The following PTPRD variants were observed in gnomAD, a reference collection of about 807,000 sequenced individuals.
The protein encoded by PTPRD is protein tyrosine phosphatase receptor type D, also known as receptor-type tyrosine-protein phosphatase delta.
PTPRD carries 34 observed loss-of-function variants against 214.5 expected under a neutral mutation model. The ratio of observed to expected loss-of-function variants is 0.16; its 90% confidence interval spans 0.12 to 0.21. The LOEUF is 0.21. Among genes scored for constraint, PTPRD ranks in the 10% least tolerant of loss-of-function variants. PTPRD has a pLI of 1.00. For missense variants in PTPRD, 2,545 were observed against 2,398.7 expected, an observed-to-expected ratio of 1.06 and a Z score of -1.27; for synonymous variants, 1,128 against 845.7, an observed-to-expected ratio of 1.33 and a Z score of -5.79.
chr9:8,461,520 C>T (rs1206607176), intron 32 of PTPRD, among the ~76,000 whole-genome samples: 2 of 151,962 alleles, frequency 1.3e-5, no homozygotes, highest in South Asian at 2.1e-4. Flanking sequence ...CTTTCCAATC[C>T]AACAGAAACT....
chr9:9,886,188 G>T (rs898686680), intron 5 of PTPRD, among the ~76,000 whole-genome samples: 1 of 151,964 alleles, frequency 6.6e-6, no homozygotes, highest in African/African-American at 2.4e-5. Context: ...AGCAAGATTA[G>T]GCCCTAACCA....
rs545652356 is a variant in PTPRD, at chr9:8,377,408, G to A, written c.4387-682C>T. ...ATAATCTACAATTTCTATGTGAAGT[G>A]GAACAAAAGCACATAAAAAGTTTTC... On this transcript the variant is annotated intron_variant, in intron 37 of 45. Coordinates refer to ENST00000381196, the MANE Select transcript of PTPRD (RefSeq NM_002839.4). 3.3e-5 allele frequency among the ~76,000 whole-genome samples: 5 copies of A among 152,026 alleles called. No homozygotes were observed. In the South Asian group the frequency reaches 1.0e-3, roughly 32 times the overall value.
In PTPRD at chr9:8,691,006, T is replaced by C. The variant is rs1238804512; in HGVS notation, c.64+42774A>G. Among the ~76,000 whole-genome samples the C allele has an allele frequency of 3.9e-5, 6 of 152,276 alleles. No individual in the cohort carries two copies. The South Asian group carries it at 1.0e-3, about 26-fold the overall frequency. ...AGTAAATTTCACAAAAGTAAGCCTC[T>C]GAGAACATGTGAAAGAAAAAATTAT... is the stretch of plus-strand genomic sequence containing the variant. On this transcript the variant is annotated intron_variant, in intron 12 of 45. Transcript: ENST00000381196.
At chr9:8,761,129 T>C (rs2094389285) in intron 11 of PTPRD, among the ~76,000 whole-genome samples, 1 of 152,166 alleles carries the variant, frequency 6.6e-6, no homozygotes, top group African/African-American at 2.4e-5. Flanking sequence ...TGATTTCATT[T>C]ATTTGCCTAA....
intron 3 of PTPRD, among the ~76,000 whole-genome samples, chr9:10,152,118 G>C (rs1254030036): frequency 1.3e-5 from 2 of 152,130 alleles, no homozygotes; most frequent in Non-Finnish European, 2.9e-5. Context: ...CTGCTAAACT[G>C]TTTCCAAAGG....
chr9:9,202,019 T>C (rs1167032095), intron 9 of PTPRD, among the ~76,000 whole-genome samples: 1 of 151,934 alleles, frequency 6.6e-6, no homozygotes, highest in Non-Finnish European at 1.5e-5. Flanking sequence ...TTTGGTGGAG[T>C]TCAGTGCAAG....
intron 7 of PTPRD, among the ~76,000 whole-genome samples, chr9:9,631,276 C>A (rs1223935416): frequency 3.3e-5 from 5 of 149,256 alleles, no homozygotes; most frequent in Non-Finnish European, 7.4e-5. Flanking sequence ...GGAGTATAGA[C>A]TCTAATGTTA....
intron 3 of PTPRD, among the ~76,000 whole-genome samples, chr9:10,057,510 T>TC (rs2097676997): frequency 6.6e-6 from 1 of 151,618 alleles, no homozygotes; most frequent in South Asian, 2.1e-4. Context: ...AAAAAAATCC[T>TC]CCCTAAACAT....
At chr9:8,758,554 A>C (rs899997841) in intron 11 of PTPRD, among the ~76,000 whole-genome samples, 1 of 152,194 alleles carries the variant, frequency 6.6e-6, no homozygotes, top group Non-Finnish European at 1.5e-5. Context: ...AAGGCTCATA[A>C]ATTTTGGGCT....
intron 12 of PTPRD, among the ~76,000 whole-genome samples, chr9:8,729,086 G>A (rs1484957701): frequency 1.3e-5 from 2 of 152,144 alleles, no homozygotes; most frequent in Non-Finnish European, 2.9e-5. Flanking sequence ...GCTTTCTGAA[G>A]AGGCACTGTA....
chr9:8,520,891 A>T (rs2097877163), intron 20 of PTPRD, among the ~76,000 whole-genome samples: 1 of 152,080 alleles, frequency 6.6e-6, no homozygotes, highest in Admixed American at 6.6e-5. Context: ...AGAAATTTTA[A>T]GCATTTATTA....
chr9:9,992,722 T>C (rs1269338655), intron 4 of PTPRD, among the ~76,000 whole-genome samples: 1 of 151,996 alleles, frequency 6.6e-6, no homozygotes, highest in Non-Finnish European at 1.5e-5. Flanking sequence ...ACACTGCACG[T>C]TCTCACTCAT....
At chr9:9,398,596 T>C (rs1316457986) in intron 8 of PTPRD, among the ~76,000 whole-genome samples, 1 of 152,020 alleles carries the variant, frequency 6.6e-6, no homozygotes, top group Non-Finnish European at 1.5e-5. Flanking sequence ...AACTTCTTAG[T>C]TTAACAAAAA....
intron 10 of PTPRD, among the ~76,000 whole-genome samples, chr9:9,141,072 C>T (rs1346592058): frequency 1.3e-5 from 2 of 151,554 alleles, no homozygotes; most frequent in Non-Finnish European, 2.9e-5. Context: ...ATATTTTTTT[C>T]TCTGTCTCTG....
chr9:10,193,549 A>G (rs1159497805), intron 3 of PTPRD, among the ~76,000 whole-genome samples: 1 of 152,148 alleles, frequency 6.6e-6, no homozygotes, highest in Non-Finnish European at 1.5e-5. Context: ...TATTGGCAGT[A>G]TTTTGTGAAC....
At chr9:8,449,394 C>G (rs181087398) in intron 34 of PTPRD, among the ~76,000 whole-genome samples, 26 of 152,112 alleles carry the variant, frequency 1.7e-4, no homozygotes, top group African/African-American at 5.5e-4. Context: ...TGATGAGAAA[C>G]TGAATTCTTT....
At chr9:9,152,933 GT>G in intron 10 of PTPRD, among the ~76,000 whole-genome samples, 1 of 152,302 alleles carries the variant, frequency 6.6e-6, no homozygotes, top group East Asian at 1.9e-4. Flanking sequence ...CTTTGGCCCA[GT>G]ACTGACACAC....
intron 11 of PTPRD, among the ~76,000 whole-genome samples, chr9:8,939,060 T>A (rs2099015179): frequency 6.6e-6 from 1 of 152,196 alleles, no homozygotes; most frequent in Admixed American, 6.5e-5. Context: ...TTATACTATG[T>A]AATTGAATTT....
chr9:9,000,184 T>C (rs984460098), intron 11 of PTPRD, among the ~76,000 whole-genome samples: 1 of 152,080 alleles, frequency 6.6e-6, no homozygotes, highest in Non-Finnish European at 1.5e-5. Flanking sequence ...TGGCGCTGCA[T>C]GTGGAGCTGC....
Sources: gnomAD v4.1 joint callset for allele counts (sites outside exome capture counted in the v4.1 genomes callset) on GRCh38, gnomAD v4.1.1 for gene constraint, MANE v1.5 for transcripts, NCBI Gene and HGNC (gene_info 2026-07-23, HGNC 2026-07-21) for gene names.